IGF1R: variants seen among roughly 807,000 people sequenced by gnomAD.
IGF1R encodes insulin-like growth factor 1 receptor.
In IGF1R, 44 loss-of-function variants were observed where a neutral mutation model predicts 144.6. The ratio of observed to expected loss-of-function variants is 0.30; its 90% CI spans 0.24 to 0.39. IGF1R has a LOEUF of 0.39. IGF1R is among the 10% of genes least tolerant of loss of function. The probability of loss-of-function intolerance (pLI) is 1.00; values close to 1 mark genes in which losing one functional copy is unlikely to be tolerated. For synonymous variants in IGF1R, 795 were observed against 722.8 expected (o/e 1.10, Z -1.60); for missense variants, 1,355 against 1,833.7 (o/e 0.74, Z 4.77).
At chr15:98,736,895 A>T (rs1186332113) in intron 2 of IGF1R, among the ~76,000 whole-genome samples, 1 of 152,130 alleles carries the variant, frequency 6.6e-6, no homozygotes, top group Non-Finnish European at 1.5e-5. Flanking sequence ...TACAGGCGTG[A>T]GCCACCGAGC....
intron 2 of IGF1R, among the ~76,000 whole-genome samples, chr15:98,818,708 A>C (rs2056746248): frequency 6.6e-6 from 1 of 152,028 alleles, no homozygotes; most frequent in African/African-American, 2.4e-5. Flanking sequence ...CAGCAGCTTC[A>C]CTAGTCTCTA....
At chr15:98,952,303 A>AACACACACACACACACACACACAC (rs143223923) in intron 20 of IGF1R, among the ~76,000 whole-genome samples, 40 of 146,676 alleles carry the variant, frequency 2.7e-4, no homozygotes, top group African/African-American at 7.9e-4. Flanking sequence ...GTACCCCACC[A>AACACACACACACACACACACACAC]ACACACACAC....
At chr15:98,703,814 G>C (rs1430644589) in intron 1 of IGF1R, among the ~76,000 whole-genome samples, 1 of 152,154 alleles carries the variant, frequency 6.6e-6, no homozygotes, top group African/African-American at 2.4e-5. Flanking sequence ...TTCAGTCTTT[G>C]TCTTCATGTT....
At chr15:98,690,925 G>A (rs982828995) in intron 1 of IGF1R, among the ~76,000 whole-genome samples, 4 of 152,242 alleles carry the variant, frequency 2.6e-5, no homozygotes, top group East Asian at 3.9e-4. Flanking sequence ...GTTGTCCTGC[G>A]GCTTACATGC....
intron 2 of IGF1R, among the ~76,000 whole-genome samples, chr15:98,796,789 C>T (rs4267291): frequency 0.013 from 2,000 of 152,316 alleles, 46 homozygotes; most frequent in African/African-American, 0.045. Context: ...GAAACCTTAT[C>T]TTTTATTTAT....
At chr15:98,770,488 G>A (rs974122791) in intron 2 of IGF1R, among the ~76,000 whole-genome samples, 2 of 152,100 alleles carry the variant, frequency 1.3e-5, no homozygotes, top group Non-Finnish European at 2.9e-5. Context: ...ACATAGAAAG[G>A]ATACATGTTT....
At chr15:98,799,069 G>T (rs1000881018) in intron 2 of IGF1R, among the ~76,000 whole-genome samples, 4 of 152,080 alleles carry the variant, frequency 2.6e-5, no homozygotes, top group Admixed American at 6.5e-5. Flanking sequence ...ACAACTTTGG[G>T]TAACTATGCC....
Position 98,808,949 on chromosome 15 carries a change from A to G in IGF1R, c.641-82376A>G, listed in dbSNP as rs983944879. On this transcript the variant is annotated intron_variant, in intron 2 of 20. Coordinates refer to ENST00000650285, the MANE Select transcript of IGF1R (RefSeq NM_000875.5). ...TGATCCTCCTGCCTCAGCCTCCCAA[A>G]GTGCTGGGATTACAGGCATGAGCCA... Among the ~76,000 whole-genome samples the G allele has an allele frequency of 5.9e-5, 9 of 152,252 alleles. No individual in the cohort carries two copies. The East Asian group carries it at 1.7e-3, about 29-fold the overall frequency.
chr15:98,684,974 G>T (rs1042030831), intron 1 of IGF1R, among the ~76,000 whole-genome samples: 1 of 127,294 alleles, frequency 7.9e-6, no homozygotes, highest in African/African-American at 3.1e-5. Flanking sequence ...ATAGTGTCTC[G>T]CTCTGTAACC....
Position 98,961,381 on chromosome 15 carries a change from G to A in IGF1R, c.*3939G>A, listed in dbSNP as rs560179066. Reference sequence around the variant, plus strand: ...CACTAACAGTGTAGTGCCCATCATAGCAAATGCTTCAGAAACACCTCAATA... The same window carrying A: ...CACTAACAGTGTAGTGCCCATCATAACAAATGCTTCAGAAACACCTCAATA... On this transcript the variant is annotated 3_prime_UTR_variant, in exon 21 of 21. Transcript: ENST00000650285. The A allele has an allele frequency of 4.3e-6, 1 of 233,358 alleles. No individual in the cohort carries two copies. Among genetic ancestry groups the A allele is most frequent in the Admixed American group, 5.6e-5 (1 of 17,774 alleles). 14.5% of individuals were successfully genotyped at this position (233,358 alleles called of 1,614,324 possible). A position where few individuals can be genotyped will look rare whatever the true frequency, so the allele number is the denominator to read the frequency against.
chr15:98,788,423 G>A (rs2056055915), intron 2 of IGF1R, among the ~76,000 whole-genome samples: 3 of 152,198 alleles, frequency 2.0e-5, no homozygotes, highest in African/African-American at 7.2e-5. Flanking sequence ...CCTGTTGTCT[G>A]CTAAGTCACA....
intron 7 of IGF1R, 71 bp from the exon 8 acceptor site, chr15:98,912,973 C>T (rs1488838425): frequency 3.1e-6 from 3 of 955,120 alleles, no homozygotes; most frequent in Non-Finnish European, 5.2e-6. Flanking sequence ...ACATGCTGGG[C>T]CTCTGGGGAA....
intron 3 of IGF1R, among the ~76,000 whole-genome samples, chr15:98,895,680 A>C (rs556185379): frequency 6.6e-6 from 1 of 152,360 alleles, no homozygotes; most frequent in East Asian, 1.9e-4. Flanking sequence ...AACAAAACAG[A>C]ACCCTGCATC....
At chr15:98,836,374 G>A (rs183942245) in intron 2 of IGF1R, among the ~76,000 whole-genome samples, 11 of 152,074 alleles carry the variant, frequency 7.2e-5, no homozygotes, top group African/African-American at 2.7e-4. Flanking sequence ...AAATTAAGTA[G>A]CCAGCAGTGG....
At chr15:98,872,319 CTAG>C in intron 2 of IGF1R, among the ~76,000 whole-genome samples, 1 of 152,118 alleles carries the variant, frequency 6.6e-6, no homozygotes, top group Non-Finnish European at 1.5e-5. Flanking sequence ...CTGTGGATTA[CTAG>C]TATATGAACT....
At chr15:98,947,750 A>C (rs1176010169) in intron 19 of IGF1R, among the ~76,000 whole-genome samples, 1 of 152,082 alleles carries the variant, frequency 6.6e-6, no homozygotes, top group Non-Finnish European at 1.5e-5. Flanking sequence ...TCCTCAGCCA[A>C]CTTCTCTGCT....
Position 98,935,328 on chromosome 15 carries a change from G to T in IGF1R, c.3199G>T (p.Gly1067Cys). The T allele has an allele frequency of 6.5e-7, 1 of 1,550,146 alleles. No homozygotes were observed. The highest frequency in any genetic ancestry group is 8.7e-7 in the Non-Finnish European group (1 of 1,145,792). Reference protein sequence around the residue: ...FNCHHVVRLLGVVSQGQPTLV... With the variant: ...FNCHHVVRLLCVVSQGQPTLV... ...TGATTCCTCCCAGGTGCGATTGCTGGGTGTGGTGTCCCAAGGCCAGCCAAC... is the reference window on the plus strand; with the variant it reads ...TGATTCCTCCCAGGTGCGATTGCTGTGTGTGGTGTCCCAAGGCCAGCCAAC... Residue 1067 changes from glycine to cysteine, a missense_variant, in exon 17 of 21, where the codon GGT (glycine) becomes TGT (cysteine). By Grantham distance (159) the Gly-to-Cys change is radical (BLOSUM62 -3). Transcript: ENST00000650285. This position sits in a 1 kb window ranked among gnomAD's most constrained non-coding sequence, Gnocchi z 4.2.
intron 1 of IGF1R, among the ~76,000 whole-genome samples, chr15:98,667,502 G>C (rs944296993): frequency 1.3e-5 from 2 of 152,236 alleles, no homozygotes; most frequent in Non-Finnish European, 2.9e-5. Context: ...CGCGCTGCTA[G>C]AGACCATGGC....
chr15:98,959,020 C>T lies in IGF1R; in HGVS notation c.*1578C>T, dbSNP rs953493286. On this transcript the variant is annotated 3_prime_UTR_variant, in exon 21 of 21. Transcript: ENST00000650285. ...CCCATCCTGAGAGGGCCGCGCTCCT[C>T]TCCCCAGCCTGCCCTCACAGCATTG... 8.1e-5 allele frequency: 19 copies of T among 233,202 alleles called. No individual in the cohort carries two copies. Among genetic ancestry groups the T allele is most frequent in the Non-Finnish European group, 9.3e-5 (11 of 118,042 alleles). The allele number at this position is 233,202 out of a possible 1,614,324, so 14.4% of individuals were successfully genotyped here.
Sources: gnomAD v4.1 joint callset for allele counts (sites outside exome capture counted in the v4.1 genomes callset) on GRCh38, gnomAD v4.1.1 for gene constraint, Gnocchi (gnomAD v3.1) non-coding constraint, MANE v1.5 for transcripts, NCBI Gene and HGNC (gene_info 2026-07-23, HGNC 2026-07-21) for gene names.